SRPK2: variants seen among roughly 807,000 people sequenced by gnomAD.
SRPK2 encodes SRSF protein kinase 2.
A neutral mutation model predicts 90.8 loss-of-function variants in SRPK2; 21 were observed. The observed-to-expected ratio is 0.23, with a 90% CI of 0.16 to 0.33. SRPK2 has a LOEUF of 0.33. Ranked by LOEUF, SRPK2 falls within the 10% of genes least tolerant of loss-of-function variation. The pLI is 1.00. For synonymous variants in SRPK2, 288 were observed against 311.1 expected, an observed-to-expected ratio of 0.93 and a Z score of 0.78; for missense variants, 620 against 869.0, an observed-to-expected ratio of 0.71 and a Z score of 3.60.
intron 15 of SRPK2, among the ~76,000 whole-genome samples, 169 bp from the exon 16 acceptor site, chr7:105,118,191 C>T (rs975621745): frequency 1.5e-4 from 23 of 152,230 alleles, no homozygotes; most frequent in African/African-American, 5.3e-4. Context: ...ATTACATGTA[C>T]ATATGACCAA....
At chr7:105,342,254 G>A (rs1815902235) in intron 2 of SRPK2, among the ~76,000 whole-genome samples, 1 of 147,988 alleles carries the variant, frequency 6.8e-6, no homozygotes, top group Non-Finnish European at 1.5e-5. Flanking sequence ...AACCCGGGAA[G>A]CAGAGGTTGC....
chr7:105,240,593 AG>A (rs932653571), intron 2 of SRPK2, among the ~76,000 whole-genome samples: 3 of 152,032 alleles, frequency 2.0e-5, no homozygotes, highest in African/African-American at 7.3e-5. Context: ...GGAGAAGAAA[AG>A]GAAAAAAAAA....
At chr7:105,248,618 A>G (rs946740308) in intron 2 of SRPK2, among the ~76,000 whole-genome samples, 1 of 151,898 alleles carries the variant, frequency 6.6e-6, no homozygotes, top group African/African-American at 2.4e-5. Context: ...AAAAACAAAT[A>G]AACAAACAAA....
chr7:105,342,688 A>T (rs1168339876), intron 2 of SRPK2, among the ~76,000 whole-genome samples: 2 of 152,154 alleles, frequency 1.3e-5, no homozygotes, highest in Non-Finnish European at 2.9e-5. Context: ...ATGCCCCCGT[A>T]TATACGCTGC....
chr7:105,267,080 T>C (rs1461811849), intron 2 of SRPK2, among the ~76,000 whole-genome samples: 12 of 152,168 alleles, frequency 7.9e-5, no homozygotes, highest in African/African-American at 2.7e-4. Flanking sequence ...TCAGAAGCAA[T>C]AGTGGCTGAT....
intron 2 of SRPK2, among the ~76,000 whole-genome samples, chr7:105,270,266 G>C (rs1394085291): frequency 6.6e-6 from 1 of 152,204 alleles, no homozygotes; most frequent in Non-Finnish European, 1.5e-5. Flanking sequence ...AGCGCCTATA[G>C]CTGGGGTGGT....
chr7:105,285,222 CA>C (rs889699914), intron 2 of SRPK2, among the ~76,000 whole-genome samples: 2 of 151,328 alleles, frequency 1.3e-5, no homozygotes, highest in African/African-American at 2.4e-5. Flanking sequence ...CCTATCTCTA[CA>C]AAAAAATCAA....
chr7:105,214,127 A>G (rs1797170315), intron 2 of SRPK2, among the ~76,000 whole-genome samples: 1 of 152,218 alleles, frequency 6.6e-6, no homozygotes, highest in Non-Finnish European at 1.5e-5. Context: ...GCTATGGCAC[A>G]GTATGGGCAG....
At chr7:105,122,124 A>G (rs576265234) in intron 15 of SRPK2, among the ~76,000 whole-genome samples, 1 of 152,350 alleles carries the variant, frequency 6.6e-6, no homozygotes, top group East Asian at 1.9e-4. Flanking sequence ...TAAAATGTGT[A>G]TAAACCCTAC....
At chr7:105,356,426 C>G (rs566046045) in intron 2 of SRPK2, among the ~76,000 whole-genome samples, 1 of 152,250 alleles carries the variant, frequency 6.6e-6, no homozygotes, top group East Asian at 1.9e-4. Flanking sequence ...GGAATCTGGG[C>G]AGCTGAAAAA....
At chr7:105,389,224 G>T (rs1258533791), upstream of SRPK2, 8 of 1,209,238 alleles carry the variant, frequency 6.6e-6, no homozygotes, top group Non-Finnish European at 8.4e-6. Flanking sequence ...CCTCCCCGCC[G>T]CGGCCTCTCC....
chr7:105,330,735 T>C (rs1814209583), intron 2 of SRPK2, among the ~76,000 whole-genome samples: 1 of 152,134 alleles, frequency 6.6e-6, no homozygotes, highest in South Asian at 2.1e-4. Context: ...ATCTAGGTGC[T>C]TTCCGAGGCC....
At chr7:105,332,807 A>G (rs1814592907) in intron 2 of SRPK2, 1 of 151,902 alleles carries the variant, frequency 6.6e-6, no homozygotes, top group Admixed American at 6.6e-5. Context: ...CTTCAGCAGC[A>G]TATATACTAA....
intron 2 of SRPK2, among the ~76,000 whole-genome samples, chr7:105,227,431 T>C (rs116049216): frequency 0.013 from 1,905 of 152,288 alleles, 51 homozygotes; most frequent in African/African-American, 0.044. Flanking sequence ...TCTGAATAGA[T>C]GTTCCTCCAA....
At chr7:105,253,304 T>C (rs978271834) in intron 2 of SRPK2, among the ~76,000 whole-genome samples, 2 of 152,206 alleles carry the variant, frequency 1.3e-5, no homozygotes, top group African/African-American at 2.4e-5. Context: ...CTACAGCATA[T>C]CTTATAGCCT....
intron 2 of SRPK2, among the ~76,000 whole-genome samples, chr7:105,331,308 C>CAAAAAA (rs57653042): frequency 0.063 from 2,816 of 44,974 alleles, 722 homozygotes; most frequent in Non-Finnish European, 0.077. Context: ...GACTCCGTCT[C>CAAAAAA]AAAAAAAAAA....
chr7:105,386,271 G>A (rs1232438695), intron 2 of SRPK2, among the ~76,000 whole-genome samples: 24 of 141,352 alleles, frequency 1.7e-4, no homozygotes, highest in African/African-American at 5.6e-4. Flanking sequence ...CCGAGATCGC[G>A]CCACTGCCCT....
intron 15 of SRPK2, among the ~76,000 whole-genome samples, chr7:105,121,783 AGTTCTATT>A (rs553164110): frequency 8.5e-5 from 13 of 152,240 alleles, no homozygotes; most frequent in Non-Finnish European, 1.6e-4. Context: ...GAAACAGGGA[AGTTCTATT>A]ATACTTCTCT....
Position 105,396,454 on chromosome 7 carries a change from G to A in SRPK2, n.153+2702C>T, listed in dbSNP as rs140894712. ...AGATAGAGAACATCCTGGCTAACAC[G>A]GCGAAATCTCATATCTACTATAAAT... On this transcript the variant is annotated intron_variant and non_coding_transcript_variant, in intron 1 of 3. Transcript: ENST00000462282. 2.8e-4 allele frequency among the ~76,000 whole-genome samples: 42 copies of A among 151,752 alleles called. No homozygotes were observed. In the East Asian group the frequency reaches 3.8e-3, roughly 14 times the overall value.
Sources: allele counts gnomAD v4.1 joint callset (sites outside exome capture counted in the v4.1 genomes callset), GRCh38; gene constraint gnomAD v4.1.1; transcripts MANE v1.5; gene names NCBI Gene and HGNC (gene_info 2026-07-23, HGNC 2026-07-21).